Variants in ITGB5 observed in about 807,000 individuals in gnomAD.
ITGB5 encodes the protein integrin beta-5.
Under a neutral mutation model 84.8 loss-of-function variants are expected in ITGB5, and 38 were observed. The observed-to-expected ratio is 0.45, with a 90% CI of 0.35 to 0.59. The LOEUF (loss-of-function observed/expected upper bound fraction) is 0.59, where lower values mean the gene tolerates loss of function less well. ITGB5 is among the 20% of genes least tolerant of loss of function. ITGB5 has a pLI of 0.01. For missense variants in ITGB5, 905 were observed against 1,034.5 expected (o/e 0.87, Z 1.72); for synonymous variants, 393 against 414.4 (o/e 0.95, Z 0.63).
intron 5 of ITGB5, among the ~76,000 whole-genome samples, chr3:124,832,615 TC>T (rs1272058073): frequency 1.9e-4 from 29 of 152,314 alleles, no homozygotes; most frequent in Admixed American, 1.8e-3. Flanking sequence ...AGCCAGTCCT[TC>T]CACAGAGTCT....
intron 1 of ITGB5, among the ~76,000 whole-genome samples, chr3:124,884,284 C>T (rs1934707082): frequency 6.6e-6 from 1 of 151,776 alleles, no homozygotes; most frequent in Non-Finnish European, 1.5e-5. Flanking sequence ...AGAAATGACA[C>T]AGATGTGAGT....
chr3:124,810,509 G>A (rs1009920280), intron 8 of ITGB5, among the ~76,000 whole-genome samples: 4 of 152,112 alleles, frequency 2.6e-5, no homozygotes, highest in African/African-American at 9.7e-5. Context: ...GAGGCAGGAG[G>A]ATCGCTTGAG....
chr3:124,764,175 T>C lies in ITGB5; in HGVS notation c.2304+216A>G, dbSNP rs531736012. Among the ~76,000 whole-genome samples the C allele has an allele frequency of 5.9e-5, 9 of 152,326 alleles. No individual in the cohort carries two copies. In the East Asian group the frequency reaches 1.5e-3, roughly 26 times the overall value. On this transcript the variant is annotated intron_variant, in intron 14 of 14. Transcript: ENST00000296181. ...CCCAGCGCCTCTGCCCCCATGACCT[T>C]CCTGACCTGGGTCTGGAACAGGGAT...
chr3:124,839,597 G>T (rs1268736826), intron 5 of ITGB5, among the ~76,000 whole-genome samples: 1 of 152,190 alleles, frequency 6.6e-6, no homozygotes, highest in African/African-American at 2.4e-5. Flanking sequence ...AGATGAGGGG[G>T]ATCCTATGTC....
At chr3:124,832,672 A>G (rs1362403999) in intron 5 of ITGB5, among the ~76,000 whole-genome samples, 1 of 152,240 alleles carries the variant, frequency 6.6e-6, no homozygotes, top group Non-Finnish European at 1.5e-5. Flanking sequence ...CAGTCCTACA[A>G]CTAGAGTGAT....
chr3:124,869,861 C>T (rs903408658), intron 2 of ITGB5, among the ~76,000 whole-genome samples: 4 of 152,114 alleles, frequency 2.6e-5, no homozygotes, highest in African/African-American at 9.7e-5. Context: ...AGTACTAGCA[C>T]AAGGAAAGAA....
chr3:124,778,448 G>A (rs568705252), intron 10 of ITGB5, among the ~76,000 whole-genome samples: 55 of 152,330 alleles, frequency 3.6e-4, no homozygotes, highest in Admixed American at 8.5e-4. Context: ...CAGAAGGGGA[G>A]CCAGTGGCCC....
At chr3:124,809,289 CT>C in intron 8 of ITGB5, 133 bp from the exon 9 acceptor site, 1 of 906,054 alleles carries the variant, frequency 1.1e-6, no homozygotes, top group South Asian at 1.6e-5. Context: ...AGCCAGTGAG[CT>C]TGGTTCCCTG....
chr3:124,789,424 G>A (rs1189999475), intron 10 of ITGB5, among the ~76,000 whole-genome samples: 24 of 145,782 alleles, frequency 1.6e-4, no homozygotes, highest in Non-Finnish European at 3.2e-4. Flanking sequence ...AACCGCCTCT[G>A]ACTAGACAGG....
chr3:124,828,771 C>T (rs1035340700), intron 5 of ITGB5, among the ~76,000 whole-genome samples: 1 of 152,198 alleles, frequency 6.6e-6, no homozygotes. Context: ...GCATGCGCCA[C>T]CACACTGGGC....
chr3:124,900,810 T>G lies in ITGB5; in HGVS notation c.-255+456A>C, dbSNP rs151233059. 8.6e-3 allele frequency among the ~76,000 whole-genome samples: 1,308 copies of G among 152,310 alleles called. 11 individuals are homozygous for G. Among genetic ancestry groups the G allele is most frequent in the African/African-American group, 0.029 (1,217 of 41,560 alleles). Reference sequence around the variant, plus strand: ...ATTTTTCAATGAAAATGGATTTATCTCCTTTTTAATTTTGTACAATCACCG... The same window carrying G: ...ATTTTTCAATGAAAATGGATTTATCGCCTTTTTAATTTTGTACAATCACCG... On this transcript the variant is annotated intron_variant, in intron 1 of 4. Coordinates refer to the ITGB5 transcript ENST00000608657.
chr3:124,799,263 G>A (rs542494750), intron 9 of ITGB5, among the ~76,000 whole-genome samples: 4 of 152,256 alleles, frequency 2.6e-5, no homozygotes, highest in South Asian at 2.1e-4. Flanking sequence ...AGGATAACAC[G>A]AATAGGATGG....
At chr3:124,839,754 T>C (rs761998524) in intron 5 of ITGB5, among the ~76,000 whole-genome samples, 1 of 152,252 alleles carries the variant, frequency 6.6e-6, no homozygotes, top group African/African-American at 2.4e-5. Flanking sequence ...TTGTGAAACA[T>C]TTGAAAGGTT....
intron 10 of ITGB5, chr3:124,793,130 G>A (rs914087515): frequency 6.6e-6 from 1 of 152,226 alleles, no homozygotes. Flanking sequence ...GAAACAAATG[G>A]TGTTGGCCCA....
chr3:124,783,397 T>C (rs1222935385), intron 10 of ITGB5, among the ~76,000 whole-genome samples: 2 of 152,072 alleles, frequency 1.3e-5, no homozygotes, highest in Non-Finnish European at 2.9e-5. Flanking sequence ...ATAGAATCAC[T>C]TGGCACACTG....
chr3:124,766,236 G>C lies in ITGB5; in HGVS notation c.2127C>G (p.Leu709=), dbSNP rs748016980. Residue 709 remains leucine (L), a synonymous_variant, in exon 13 of 15, where the codon CTC becomes CTG. Transcript: ENST00000296181. ...LPSGKSNLTV[L]REPECGNTPN... ...GCAGCCCTCACCTACCTGGCTCCCT[G>C]AGGACGGTCAGGTTGGACTTCCCAC... The C allele has an allele frequency of 3.7e-6, 6 of 1,613,816 alleles. No individual in the cohort carries two copies. The African/African-American group carries it at 4.0e-5, about 11-fold the overall frequency.
intron 3 of ITGB5, among the ~76,000 whole-genome samples, chr3:124,849,673 A>T (rs1482018406): frequency 2.6e-5 from 4 of 152,158 alleles, no homozygotes; most frequent in Non-Finnish European, 5.9e-5. Flanking sequence ...ACAGGCAGAG[A>T]AAAGGGGAAT....
chr3:124,856,460 TA>T (rs1489152961), intron 3 of ITGB5, among the ~76,000 whole-genome samples: 2 of 152,152 alleles, frequency 1.3e-5, no homozygotes, highest in African/African-American at 4.8e-5. Flanking sequence ...AAATGTAAAT[TA>T]AAACCTTCCT....
chr3:124,853,812 A>G lies in ITGB5; in HGVS notation c.362-5254T>C, dbSNP rs370978110. 2.6e-5 allele frequency among the ~76,000 whole-genome samples: 4 copies of G among 152,306 alleles called. No individual in the cohort carries two copies. In the East Asian group the frequency reaches 5.8e-4, roughly 22 times the overall value. On this transcript the variant is annotated intron_variant, in intron 3 of 14. Coordinates refer to ENST00000296181, the MANE Select transcript of ITGB5 (RefSeq NM_002213.5). The stretch of plus-strand genomic sequence containing the variant: ...GATGCTATCATTGAGGACAGCGGAG[A>G]AGGGTACATAGAACATCTCTGTGTT...
Sources: gnomAD v4.1 joint callset for allele counts (sites outside exome capture counted in the v4.1 genomes callset) on GRCh38, gnomAD v4.1.1 for gene constraint, MANE v1.5 for transcripts, NCBI Gene and HGNC (gene_info 2026-07-23, HGNC 2026-07-21) for gene names.